MAMDC2: variants seen among roughly 807,000 people sequenced by gnomAD.
The protein encoded by MAMDC2 is MAM domain-containing protein 2.
Under a neutral mutation model 89.8 loss-of-function variants are expected in MAMDC2, and 57 were observed. That is an observed-to-expected ratio of 0.63 (90% CI 0.51 to 0.79). The LOEUF (loss-of-function observed/expected upper bound fraction) is 0.79, where lower values mean the gene tolerates loss of function less well. Among genes scored for constraint, MAMDC2 ranks in the 30% least tolerant of loss-of-function variants. The pLI is 0.00. For synonymous variants in MAMDC2, 313 were observed against 293.4 expected (o/e 1.07, Z -0.68); for missense variants, 800 against 820.6 (o/e 0.97, Z 0.31).
chr9:70,203,067 T>G (rs960729537), intron 11 of MAMDC2, among the ~76,000 whole-genome samples: 2 of 152,176 alleles, frequency 1.3e-5, no homozygotes, highest in Non-Finnish European at 2.9e-5. Flanking sequence ...TTAAAGTTAA[T>G]ATTGTTATGT....
At chr9:70,143,940 C>G in intron 9 of MAMDC2, 121 bp downstream of exon 9, 5 of 1,104,902 alleles carry the variant, frequency 4.5e-6, no homozygotes, top group Non-Finnish European at 6.5e-6. Context: ...CCTACGGCCT[C>G]ACCCTTACAC....
chr9:70,059,279 A>G (rs994754641), intron 2 of MAMDC2, among the ~76,000 whole-genome samples: 10 of 152,172 alleles, frequency 6.6e-5, no homozygotes, highest in Admixed American at 2.0e-4. Flanking sequence ...CTCTTGACCC[A>G]TGGCATACGA....
intron 9 of MAMDC2, among the ~76,000 whole-genome samples, chr9:70,158,959 T>A (rs2031863980): frequency 6.6e-6 from 1 of 152,068 alleles, no homozygotes; most frequent in African/African-American, 2.4e-5. Context: ...ACTACCATTG[T>A]ACATGCAGTC....
In MAMDC2 at chr9:70,208,799, T is replaced by C. The variant is rs1435018462; in HGVS notation, c.1652-9538T>C. ...CATAGATAGCTATTATTTTGAGATATGTCCCATCAATACCTAGTTTATTAA... is the reference window on the plus strand; with the variant it reads ...CATAGATAGCTATTATTTTGAGATACGTCCCATCAATACCTAGTTTATTAA... On this transcript the variant is annotated intron_variant, in intron 11 of 13. Transcript: ENST00000377182. Among the ~76,000 whole-genome samples the C allele has an allele frequency of 2.6e-5, 4 of 152,202 alleles. 1 individual carries two copies. Among genetic ancestry groups the C allele is most frequent in the Admixed American group, 2.0e-4 (3 of 15,274 alleles).
At chr9:70,100,554 C>G (rs73650530) in intron 2 of MAMDC2, among the ~76,000 whole-genome samples, 5 of 152,128 alleles carry the variant, frequency 3.3e-5, no homozygotes, top group Admixed American at 1.3e-4. Context: ...AAAAGACAGA[C>G]GTAGGCATTG....
chr9:70,166,412 G>A (rs982657083), intron 9 of MAMDC2, among the ~76,000 whole-genome samples: 1 of 151,556 alleles, frequency 6.6e-6, no homozygotes, highest in East Asian at 1.9e-4. Context: ...AATTTTATGA[G>A]TCTAACATAA....
chr9:70,057,651 G>T (rs533419152), intron 2 of MAMDC2, among the ~76,000 whole-genome samples: 1 of 152,148 alleles, frequency 6.6e-6, no homozygotes, highest in Non-Finnish European at 1.5e-5. Context: ...TATTAGCCTA[G>T]TAGTCTAAGA....
chr9:70,108,881 T>G (rs1304297356), intron 3 of MAMDC2, among the ~76,000 whole-genome samples: 2 of 152,152 alleles, frequency 1.3e-5, no homozygotes, highest in Non-Finnish European at 2.9e-5. Context: ...GAACAAAAGA[T>G]TATAATAAAA....
At chr9:70,223,021 C>A (rs772885051) in intron 12 of MAMDC2, among the ~76,000 whole-genome samples, 1 of 151,612 alleles carries the variant, frequency 6.6e-6, no homozygotes, top group Non-Finnish European at 1.5e-5. Flanking sequence ...TGCCTGTAGC[C>A]CCAGCTACTA....
chr9:70,166,304 CATATATAT>C (rs56121728), intron 9 of MAMDC2, among the ~76,000 whole-genome samples: 2 of 131,266 alleles, frequency 1.5e-5, no homozygotes, highest in Non-Finnish European at 3.2e-5. Context: ...CACACACACA[CATATATAT>C]ATATACATAC....
intron 2 of MAMDC2, chr9:70,083,846 T>C (rs530166638): frequency 6.6e-6 from 1 of 152,246 alleles, no homozygotes; most frequent in South Asian, 2.1e-4. Flanking sequence ...GGAGATTCTT[T>C]AGCCAGACAC....
intron 2 of MAMDC2, among the ~76,000 whole-genome samples, chr9:70,072,216 C>T (rs770669016): frequency 1.8e-4 from 27 of 152,150 alleles, no homozygotes; most frequent in Non-Finnish European, 2.2e-4. Context: ...ATGTAAAGTA[C>T]AATGTATCAT....
At chr9:70,069,239 C>T (rs1289132630) in intron 2 of MAMDC2, among the ~76,000 whole-genome samples, 1 of 152,110 alleles carries the variant, frequency 6.6e-6, no homozygotes, top group Non-Finnish European at 1.5e-5. Flanking sequence ...TCTTGTTGTT[C>T]CTGTTTTGTT....
intron 9 of MAMDC2, among the ~76,000 whole-genome samples, chr9:70,156,860 CCTT>C (rs1363764362): frequency 1.3e-5 from 2 of 152,100 alleles, no homozygotes; most frequent in East Asian, 1.9e-4. Flanking sequence ...TTTGTTGAGA[CCTT>C]CTGTGTTTCA....
chr9:70,183,445 G>A (rs2032685780), intron 11 of MAMDC2, among the ~76,000 whole-genome samples: 2 of 152,308 alleles, frequency 1.3e-5, no homozygotes, highest in African/African-American at 4.8e-5. Context: ...ACAATGGGGT[G>A]TTAAAGTCTT....
At chr9:70,211,761 ATC>A (rs2033358423) in intron 11 of MAMDC2, among the ~76,000 whole-genome samples, 1 of 152,112 alleles carries the variant, frequency 6.6e-6, no homozygotes, top group Non-Finnish European at 1.5e-5. Context: ...TTGTGGTTTT[ATC>A]TACCTTTGGT....
At chr9:70,145,691 G>A (rs1036463542) in intron 9 of MAMDC2, among the ~76,000 whole-genome samples, 2 of 151,750 alleles carry the variant, frequency 1.3e-5, no homozygotes, top group Non-Finnish European at 1.5e-5. Context: ...TTTTAAAGGA[G>A]GATAAAATAA....
intron 4 of MAMDC2, 46 bp downstream of exon 4, chr9:70,109,850 T>G (rs367655245): frequency 5.3e-6 from 8 of 1,505,254 alleles, no homozygotes; most frequent in Non-Finnish European, 7.4e-6. Flanking sequence ...AATCTTTTTC[T>G]AAAAGTTACT....
chr9:70,048,483 G>C (rs1461955673), intron 2 of MAMDC2, among the ~76,000 whole-genome samples: 1 of 152,118 alleles, frequency 6.6e-6, no homozygotes, highest in Admixed American at 6.5e-5. Context: ...ATTTTTAGTA[G>C]AGATGGGATT....
Sources: gnomAD v4.1 joint callset for allele counts (sites outside exome capture counted in the v4.1 genomes callset) on GRCh38, gnomAD v4.1.1 for gene constraint, MANE v1.5 for transcripts, NCBI Gene and HGNC (gene_info 2026-07-23, HGNC 2026-07-21) for gene names.